The following IMPG2 variants were observed in gnomAD, a reference collection of about 807,000 sequenced individuals.
IMPG2 encodes IPM 200.
IMPG2 carries 91 observed loss-of-function variants against 129.2 expected under a neutral mutation model. That is an observed-to-expected ratio of 0.70 (90% CI 0.59 to 0.84). The LOEUF (loss-of-function observed/expected upper bound fraction) is 0.84. Ranked by LOEUF, IMPG2 falls within the 40% of genes least tolerant of loss-of-function variation. IMPG2 has a pLI of 0.00. For missense variants in IMPG2, 1,430 were observed against 1,461.7 expected, an observed-to-expected ratio of 0.98 and a Z score of 0.35; for synonymous variants, 510 against 517.7, an observed-to-expected ratio of 0.99 and a Z score of 0.20.
chr3:101,306,999 G>A (rs575780967), intron 2 of IMPG2, among the ~76,000 whole-genome samples: 1 of 152,228 alleles, frequency 6.6e-6, no homozygotes, highest in Admixed American at 6.5e-5. Flanking sequence ...ATCTGCCAAA[G>A]AACTGGTATT....
intron 14 of IMPG2, among the ~76,000 whole-genome samples, chr3:101,233,350 A>G (rs957771947): frequency 6.6e-6 from 1 of 152,186 alleles, no homozygotes; most frequent in Non-Finnish European, 1.5e-5. Context: ...GTTTTCATGG[A>G]CCATTCATTT....
At chr3:101,313,185 C>T (rs2058764585) in intron 2 of IMPG2, among the ~76,000 whole-genome samples, 1 of 152,070 alleles carries the variant, frequency 6.6e-6, no homozygotes, top group African/African-American at 2.4e-5. Flanking sequence ...CAATTAGGAG[C>T]TATCTGACAA....
intron 10 of IMPG2, among the ~76,000 whole-genome samples, chr3:101,254,564 C>T (rs971093209): frequency 6.6e-6 from 1 of 152,048 alleles, no homozygotes; most frequent in Admixed American, 6.6e-5. Context: ...CAACCAAAAA[C>T]AGAAGTAGAG....
At chr3:101,294,586 A>G (rs1707058265) in intron 3 of IMPG2, among the ~76,000 whole-genome samples, 1 of 152,164 alleles carries the variant, frequency 6.6e-6, no homozygotes, top group Non-Finnish European at 1.5e-5. Context: ...AGAATGATTT[A>G]TATTCATTTG....
chr3:101,244,905 C>A, intron 12 of IMPG2, 118 bp from the exon 13 acceptor site: 1 of 857,172 alleles, frequency 1.2e-6, no homozygotes, highest in Non-Finnish European at 1.9e-6. Context: ...CAATTGTTGA[C>A]TTTTGCTTTT....
At chr3:101,262,286 T>C (rs1318177701) in intron 9 of IMPG2, among the ~76,000 whole-genome samples, 1 of 151,946 alleles carries the variant, frequency 6.6e-6, no homozygotes, top group African/African-American at 2.4e-5. Flanking sequence ...TACTACTGAA[T>C]TAAAATAATG....
At chr3:101,241,740 T>A (rs780343357) in intron 14 of IMPG2, among the ~76,000 whole-genome samples, 6 of 151,914 alleles carry the variant, frequency 3.9e-5, no homozygotes, top group Non-Finnish European at 8.8e-5. Flanking sequence ...CAAGGATGAC[T>A]TCTCTGGCCA....
In IMPG2 at chr3:101,229,504, C is replaced by T. The variant is rs2107204023; in HGVS notation, c.3509G>A (p.Cys1170Tyr). 6.2e-7 allele frequency: 1 copy of T among 1,613,826 alleles called. No homozygotes were observed. The highest frequency in any genetic ancestry group is 8.5e-7 in the Non-Finnish European group (1 of 1,180,018). Residue 1170 changes from cysteine (C) to tyrosine (Y), a missense_variant, in exon 17 of 19, where the codon TGT becomes TAT. Coordinates refer to ENST00000193391, the MANE Select transcript of IMPG2 (RefSeq NM_016247.4). ...NPVYESHRAG[C>Y]EKYEGPYPQH... Reference sequence around the variant, plus strand: ...AGGATAGGGTCCCTCATACTTCTCACATCCAGCCCTGTGACTTTCATACAC... The same window carrying T: ...AGGATAGGGTCCCTCATACTTCTCATATCCAGCCCTGTGACTTTCATACAC...
intron 11 of IMPG2, among the ~76,000 whole-genome samples, chr3:101,251,032 G>C (rs1366157896): frequency 6.6e-6 from 1 of 152,120 alleles, no homozygotes; most frequent in Non-Finnish European, 1.5e-5. Flanking sequence ...ACTACTTCCA[G>C]AGATGTGTTA....
At chr3:101,229,300 A>ACCCCCCCCCCCCCCCCCCCGCGCC in intron 17 of IMPG2, 80 bp downstream of exon 17, 1 of 859,118 alleles carries the variant, frequency 1.2e-6, no homozygotes. Context: ...ACTCATACAC[A>ACCCCCCCCCCCCCCCCCCCGCGCC]CCCCCACCCA....
intron 3 of IMPG2, among the ~76,000 whole-genome samples, chr3:101,296,104 T>C (rs566154310): frequency 2.6e-5 from 4 of 152,288 alleles, no homozygotes; most frequent in African/African-American, 9.6e-5. Flanking sequence ...CTATGTTGAA[T>C]AGGAAGAGTG....
intron 2 of IMPG2, 127 bp downstream of exon 2, chr3:101,319,457 T>C: frequency 2.8e-6 from 3 of 1,087,904 alleles, no homozygotes; most frequent in Non-Finnish European, 4.2e-6. Context: ...TTCTTAGCAG[T>C]AGAAAGGTAG....
At position 101,228,798 on chromosome 3, in the gene IMPG2, CTTG is replaced by C. The variant is rs759574080; in HGVS notation, c.3709_3711del (p.Gln1237del). 4.7e-5 allele frequency: 76 copies of C among 1,613,284 alleles called. No individual in the cohort carries two copies. The highest frequency in any genetic ancestry group is 5.6e-5 in the Non-Finnish European group (66 of 1,179,388). On this transcript the variant is annotated inframe_deletion and splice_region_variant, in exon 18 of 19. Coordinates refer to ENST00000193391, the MANE Select transcript of IMPG2 (RefSeq NM_016247.4). The stretch of plus-strand genomic sequence containing the variant: ...TGGGGGGCTGTTTCAAAAGCTTACA[CTTG>C]TTGCTCTCTCACAAAAGCTGCAAAC...
At chr3:101,232,741 T>C (rs541125111) in intron 15 of IMPG2, 40 bp downstream of exon 15, 2 of 1,547,800 alleles carry the variant, frequency 1.3e-6, no homozygotes, top group South Asian at 1.1e-5. Flanking sequence ...AGAGGAAATA[T>C]CTATAGCCTC....
At chr3:101,268,018 T>C (rs762186460) in intron 8 of IMPG2, among the ~76,000 whole-genome samples, 1 of 152,188 alleles carries the variant, frequency 6.6e-6, no homozygotes, top group African/African-American at 2.4e-5. Context: ...GAACTTTCCA[T>C]GTGCCAGGAA....
intron 9 of IMPG2, 96 bp from the exon 10 acceptor site, chr3:101,257,869 G>A: frequency 7.1e-7 from 1 of 1,400,808 alleles, no homozygotes; most frequent in Non-Finnish European, 1.0e-6. Context: ...ACCTAGAGGG[G>A]GAGTCTCAAA....
intron 3 of IMPG2, among the ~76,000 whole-genome samples, chr3:101,299,428 C>T (rs765014842): frequency 5.3e-5 from 8 of 152,206 alleles, no homozygotes; most frequent in Non-Finnish European, 1.0e-4. Flanking sequence ...CAGTTCTTCA[C>T]CCTTGCTAGA....
intron 6 of IMPG2, among the ~76,000 whole-genome samples, chr3:101,275,327 C>T (rs1280108906): frequency 6.6e-6 from 1 of 152,030 alleles, no homozygotes; most frequent in East Asian, 1.9e-4. Flanking sequence ...CTAAAGAAGG[C>T]TAAGATCTGG....
chr3:101,299,542 A>G (rs529917293), intron 3 of IMPG2, among the ~76,000 whole-genome samples: 108 of 152,322 alleles, frequency 7.1e-4, no homozygotes, highest in African/African-American at 2.3e-3. Context: ...TCTAGTATCA[A>G]TCCTTGAGGA....
Sources: allele counts gnomAD v4.1 joint callset (sites outside exome capture counted in the v4.1 genomes callset), GRCh38; gene constraint gnomAD v4.1.1; transcripts MANE v1.5; gene names NCBI Gene and HGNC (gene_info 2026-07-23, HGNC 2026-07-21).